Variants in ZEB1 observed in about 807,000 individuals in gnomAD.
ZEB1 encodes zinc finger E-box-binding homeobox 1.
Under a neutral mutation model 84.9 loss-of-function variants are expected in ZEB1, and 21 were observed. That is an observed-to-expected ratio of 0.25 (90% CI 0.18 to 0.36). The LOEUF is 0.36. Ranked by LOEUF, ZEB1 falls within the 10% of genes least tolerant of loss-of-function variation. ZEB1 has a pLI of 1.00. For synonymous variants in ZEB1, 420 were observed against 471.1 expected (o/e 0.89, Z 1.41); for missense variants, 1,104 against 1,330.2 (o/e 0.83, Z 2.65).
Position 31,526,935 on chromosome 10 carries a change from TCTCCCTCACAGGGCGA to T in ZEB1, c.3053_3068del (p.Pro1018ArgfsTer7). The T allele has an allele frequency of 6.2e-7, 1 of 1,613,364 alleles. No individual in the cohort carries two copies. Among genetic ancestry groups the T allele is most frequent in the Non-Finnish European group, 8.5e-7 (1 of 1,179,920 alleles). ...GAATGAGCACGTGGGTGCCAGGGCG[TCTCCCTCACAGGGCGA>T]CTCGGACGAGAGAGAGAGTTTGACA... is the stretch of plus-strand genomic sequence containing the variant. On this transcript the variant is annotated frameshift_variant, in exon 9 of 9. Transcript: ENST00000424869. LOFTEE classifies it low-confidence loss of function (END_TRUNC).
At chr10:31,400,951 A>T (rs1462718600) in intron 1 of ZEB1, among the ~76,000 whole-genome samples, 1 of 152,174 alleles carries the variant, frequency 6.6e-6, no homozygotes. Context: ...ATGTTTCATT[A>T]TAGTCTTTTT....
chr10:31,353,378 C>T (rs1372480960), intron 1 of ZEB1, among the ~76,000 whole-genome samples: 2 of 152,186 alleles, frequency 1.3e-5, no homozygotes, highest in Non-Finnish European at 2.9e-5. Context: ...TATAGATCTT[C>T]TAATACAAGC....
Position 31,431,468 on chromosome 10 carries a change from C to A in ZEB1, c.59-29569C>A, listed in dbSNP as rs1345444450. ...AGGACATGCCTAGTATTTTTACATC[C>A]CAGAGTATGTTGCAGGGATCCTAGT... On this transcript the variant is annotated intron_variant, in intron 1 of 8. Transcript: ENST00000424869. Among the ~76,000 whole-genome samples, 4 of 152,090 alleles carry A rather than the reference C, an allele frequency of 2.6e-5. 1 individual carries two copies. The highest frequency in any genetic ancestry group is 2.0e-4 in the Admixed American group (3 of 15,288).
intron 1 of ZEB1, chr10:31,321,211 T>C (rs2033948161): frequency 8.9e-7 from 1 of 1,127,130 alleles, no homozygotes; most frequent in Non-Finnish European, 1.1e-6. Flanking sequence ...GTGTGGGATT[T>C]CCTGTCTAGA....
chr10:31,372,402 G>A (rs956011405), intron 1 of ZEB1, among the ~76,000 whole-genome samples: 4 of 151,916 alleles, frequency 2.6e-5, no homozygotes, highest in Non-Finnish European at 5.9e-5. Flanking sequence ...AAAGCCTATG[G>A]TCAAAAATCG....
At chr10:31,442,757 G>T (rs1258842468) in intron 1 of ZEB1, among the ~76,000 whole-genome samples, 1 of 152,100 alleles carries the variant, frequency 6.6e-6, no homozygotes, top group African/African-American at 2.4e-5. Flanking sequence ...GTCAAGAGAA[G>T]AGATTGTTTT....
chr10:31,522,576 T>C (rs1044215690), intron 7 of ZEB1, among the ~76,000 whole-genome samples: 1 of 152,162 alleles, frequency 6.6e-6, no homozygotes, highest in Non-Finnish European at 1.5e-5. Flanking sequence ...ACCACAACAG[T>C]GTTTATTCTG....
Position 31,527,920 on chromosome 10 carries a change from C to T in ZEB1, c.*656C>T, listed in dbSNP as rs2073776535. The T allele has an allele frequency of 6.6e-6, 1 of 152,328 alleles. No homozygotes were observed. Among genetic ancestry groups the T allele is most frequent in the African/African-American group, 2.4e-5 (1 of 41,418 alleles). 9.4% of individuals were successfully genotyped at this position (152,328 alleles called of 1,614,324 possible). The stretch of plus-strand genomic sequence containing the variant: ...AAGTGTATTGTTAGCCTTAAGAAAG[C>T]AGCTGATAGAAGAACTGAAGTTTCT... On this transcript the variant is annotated 3_prime_UTR_variant, in exon 9 of 9. Transcript: ENST00000424869.
In ZEB1 at chr10:31,493,990, A is replaced by C. The variant is rs74127771; in HGVS notation, c.260-1786A>C. On this transcript the variant is annotated intron_variant, in intron 2 of 8. Transcript: ENST00000424869. ...ATAAGTAGAAAAATTAGCAGTGTCC[A>C]AAAATGTCATTTTACCTTTAATATC... 2.6e-3 allele frequency among the ~76,000 whole-genome samples: 403 copies of C among 152,164 alleles called. 4 individuals carry two copies. The highest frequency in any genetic ancestry group is 8.8e-3 in the African/African-American group (366 of 41,548).
intron 1 of ZEB1, among the ~76,000 whole-genome samples, chr10:31,362,224 C>T (rs2043321486): frequency 6.8e-6 from 1 of 147,006 alleles, no homozygotes; most frequent in African/African-American, 2.7e-5. Flanking sequence ...AGGTGCTCCT[C>T]ACTTCCCAGA....
At chr10:31,439,977 G>C (rs2058728691) in intron 1 of ZEB1, among the ~76,000 whole-genome samples, 1 of 152,194 alleles carries the variant, frequency 6.6e-6, no homozygotes, top group Admixed American at 6.5e-5. Context: ...GGAAGACAAA[G>C]GTGGCAGCAC....
chr10:31,428,928 A>G (rs894551065), intron 1 of ZEB1, among the ~76,000 whole-genome samples: 1 of 151,998 alleles, frequency 6.6e-6, no homozygotes, highest in Non-Finnish European at 1.5e-5. Context: ...GATTTTCCTC[A>G]TTCCCTTTAT....
chr10:31,466,811 A>C (rs1004389121), intron 2 of ZEB1, among the ~76,000 whole-genome samples: 1 of 152,230 alleles, frequency 6.6e-6, no homozygotes, highest in Non-Finnish European at 1.5e-5. Context: ...AAAGATCAAC[A>C]AAACTGAGTT....
At chr10:31,513,307 T>C (rs757345985) in intron 5 of ZEB1, among the ~76,000 whole-genome samples, 56 of 152,150 alleles carry the variant, frequency 3.7e-4, no homozygotes, top group Admixed American at 1.2e-3. Context: ...AGGCCTAAGC[T>C]ATAACCAAAT....
At chr10:31,373,391 A>G (rs933907164) in intron 1 of ZEB1, among the ~76,000 whole-genome samples, 2 of 151,882 alleles carry the variant, frequency 1.3e-5, no homozygotes, top group African/African-American at 4.8e-5. Flanking sequence ...TAAATAGTAT[A>G]AAAGTATGGA....
intron 5 of ZEB1, among the ~76,000 whole-genome samples, chr10:31,513,513 C>T (rs534637294): frequency 1.5e-4 from 23 of 152,224 alleles, no homozygotes; most frequent in African/African-American, 5.3e-4. Context: ...GTGGGAGTCG[C>T]CACCATATAT....
chr10:31,511,408 T>G (rs191513831), intron 5 of ZEB1, among the ~76,000 whole-genome samples: 65 of 152,252 alleles, frequency 4.3e-4, no homozygotes, highest in African/African-American at 1.3e-3. Context: ...AAGACTCAAT[T>G]TTTATATGGT....
intron 1 of ZEB1, among the ~76,000 whole-genome samples, chr10:31,411,549 G>A (rs940652516): frequency 2.0e-5 from 3 of 149,696 alleles, no homozygotes; most frequent in Non-Finnish European, 3.0e-5. Flanking sequence ...GGAGAATGGC[G>A]TGAACCTGGG....
intron 1 of ZEB1, among the ~76,000 whole-genome samples, chr10:31,397,084 C>T (rs1590816733): frequency 6.8e-6 from 1 of 147,600 alleles, no homozygotes; most frequent in South Asian, 2.1e-4. Context: ...GGCATGATCT[C>T]GGCTCACTGC....
Sources: gnomAD v4.1 joint callset for allele counts (sites outside exome capture counted in the v4.1 genomes callset) on GRCh38, gnomAD v4.1.1 for gene constraint, MANE v1.5 for transcripts, NCBI Gene and HGNC (gene_info 2026-07-23, HGNC 2026-07-21) for gene names.